The following LATS2 variants were observed in gnomAD, a reference collection of about 807,000 sequenced individuals.
LATS2 encodes the protein large tumor suppressor kinase 2.
In LATS2, 24 loss-of-function variants were observed where a neutral mutation model predicts 76.0. The ratio of observed to expected loss-of-function variants is 0.32; its 90% CI spans 0.23 to 0.44. LATS2 has a LOEUF of 0.44. LATS2 is among the 20% of genes least tolerant of loss of function. LATS2 has a pLI of 1.00. For synonymous variants in LATS2, 692 were observed against 635.4 expected, an observed-to-expected ratio of 1.09 and a Z score of -1.34; for missense variants, 1,286 against 1,481.2, an observed-to-expected ratio of 0.87 and a Z score of 2.16.
chr13:21,001,151 G>A (rs1420984453), intron 2 of LATS2, among the ~76,000 whole-genome samples: 1 of 152,148 alleles, frequency 6.6e-6, no homozygotes, highest in Admixed American at 6.5e-5. Flanking sequence ...CCTTTTATCT[G>A]TAAAATTCCA....
intron 2 of LATS2, among the ~76,000 whole-genome samples, chr13:21,010,020 T>A (rs1262395230): frequency 6.6e-6 from 1 of 152,072 alleles, no homozygotes; most frequent in Non-Finnish European, 1.5e-5. Flanking sequence ...GCCAACATGA[T>A]GAAACCCTGT....
chr13:21,019,668 C>CAA (rs1281059777), intron 2 of LATS2, among the ~76,000 whole-genome samples: 10 of 86,616 alleles, frequency 1.2e-4, no homozygotes, highest in South Asian at 1.0e-3. Flanking sequence ...TTTAATCTCT[C>CAA]AAAAAAAAAA....
At chr13:20,980,647 A>G (rs1313892361) in intron 6 of LATS2, among the ~76,000 whole-genome samples, 3 of 152,222 alleles carry the variant, frequency 2.0e-5, no homozygotes, top group African/African-American at 7.2e-5. Context: ...GGTAGAGGGA[A>G]GTAGACCTTC....
At chr13:20,997,972 C>T (rs759496187) in intron 2 of LATS2, among the ~76,000 whole-genome samples, 3 of 152,306 alleles carry the variant, frequency 2.0e-5, no homozygotes, top group Non-Finnish European at 2.9e-5. Flanking sequence ...TTTTAACATT[C>T]CAACTATGAG....
chr13:21,010,503 G>T (rs1451208397), intron 2 of LATS2, among the ~76,000 whole-genome samples: 1 of 152,072 alleles, frequency 6.6e-6, no homozygotes, highest in African/African-American at 2.4e-5. Flanking sequence ...GAATATTCAA[G>T]GAAGTTTTCC....
At chr13:21,001,563 C>G (rs988053997) in intron 2 of LATS2, among the ~76,000 whole-genome samples, 3 of 152,126 alleles carry the variant, frequency 2.0e-5, no homozygotes, top group African/African-American at 7.2e-5. Flanking sequence ...GGAGACAGAT[C>G]CAGTTAACTG....
At chr13:21,046,429 C>T (rs931749460) in intron 1 of LATS2, among the ~76,000 whole-genome samples, 199 bp from the exon 2 acceptor site, 1 of 152,212 alleles carries the variant, frequency 6.6e-6, no homozygotes, top group African/African-American at 2.4e-5. Flanking sequence ...TCCCAAAATG[C>T]TTCCTGTAAT....
intron 2 of LATS2, among the ~76,000 whole-genome samples, chr13:21,015,591 T>C (rs1871765407): frequency 6.6e-6 from 1 of 152,326 alleles, no homozygotes; most frequent in Non-Finnish European, 1.5e-5. Context: ...TCCTAGGTAG[T>C]TGTTTTAAAT....
intron 2 of LATS2, among the ~76,000 whole-genome samples, chr13:21,004,457 G>A (rs924698903): frequency 2.0e-4 from 30 of 149,260 alleles, no homozygotes; most frequent in African/African-American, 7.2e-4. Context: ...AAAAGCTTCT[G>A]TAATGCAAGG....
chr13:21,008,270 A>G (rs147515729), intron 2 of LATS2, among the ~76,000 whole-genome samples: 1 of 151,738 alleles, frequency 6.6e-6, no homozygotes, highest in Non-Finnish European at 1.5e-5. Flanking sequence ...GGTTCTCAAG[A>G]GGCACCCCCT....
At chr13:21,042,994 C>CAAAAAA (rs1872936834) in intron 2 of LATS2, among the ~76,000 whole-genome samples, 4 of 107,754 alleles carry the variant, frequency 3.7e-5, no homozygotes, top group Non-Finnish European at 9.9e-5. Flanking sequence ...AAAAAAAAAA[C>CAAAAAA]CAAAAAACAA....
At chr13:21,034,160 G>A (rs1373078335) in intron 2 of LATS2, among the ~76,000 whole-genome samples, 3 of 152,126 alleles carry the variant, frequency 2.0e-5, no homozygotes, top group Admixed American at 6.5e-5. Context: ...TCTGGTCAGC[G>A]GGAAAACTCA....
intron 1 of LATS2, among the ~76,000 whole-genome samples, chr13:21,052,839 G>A (rs1185528532): frequency 3.9e-5 from 6 of 152,158 alleles, no homozygotes; most frequent in South Asian, 4.2e-4. Context: ...TGCTGACTGC[G>A]GCTCAAACAG....
At chr13:21,000,753 C>T (rs549140140) in intron 2 of LATS2, among the ~76,000 whole-genome samples, 1 of 152,238 alleles carries the variant, frequency 6.6e-6, no homozygotes, top group African/African-American at 2.4e-5. Flanking sequence ...ACAAATCTAC[C>T]ACTGTTCTAG....
chr13:20,988,471 C>G lies in LATS2; in HGVS notation c.1309G>C (p.Ala437Pro), dbSNP rs1467380386. 1 of 1,538,686 alleles carries G rather than the reference C, an allele frequency of 6.5e-7. No individual in the cohort carries two copies. Among genetic ancestry groups the G allele is most frequent in the African/African-American group, 1.4e-5 (1 of 73,122 alleles). The change falls in exon 4 of 8, where the codon GCC (alanine) becomes CCC (proline). Residue 437 changes from alanine (A) to proline (P), a missense_variant. Physicochemically the swap from Ala to Pro is conservative, Grantham distance 27. Transcript: ENST00000382592. ...TTCACCGGGTGCAAGATGTGCGCGG[C>G]CGTGACAGCCGTCACGGTGTTGGGG... is the stretch of plus-strand genomic sequence containing the variant. ...PAPNTVTAVT[A>P]AHILHPVKSV...
chr13:21,057,318 CACAA>C (rs1301360819), intron 1 of LATS2, among the ~76,000 whole-genome samples: 9 of 152,114 alleles, frequency 5.9e-5, no homozygotes, highest in East Asian at 5.8e-4. Flanking sequence ...AATATTGTCA[CACAA>C]ACAAAAAGTA....
intron 1 of LATS2, among the ~76,000 whole-genome samples, chr13:21,060,493 C>T (rs1158817029): frequency 1.3e-5 from 2 of 152,208 alleles, no homozygotes; most frequent in Non-Finnish European, 2.9e-5. Context: ...TGAGCAAACT[C>T]GCAGAGTTGG....
chr13:21,019,664 C>G (rs1871967181), intron 2 of LATS2, among the ~76,000 whole-genome samples: 1 of 47,422 alleles, frequency 2.1e-5, no homozygotes, highest in Admixed American at 3.4e-4. Context: ...TATTTTTAAT[C>G]TCTCAAAAAA....
At chr13:21,010,115 G>A (rs1871526590) in intron 2 of LATS2, among the ~76,000 whole-genome samples, 1 of 152,034 alleles carries the variant, frequency 6.6e-6, no homozygotes, top group South Asian at 2.1e-4. Context: ...CACGAGAATC[G>A]GTTGAATCTG....
Sources: allele counts gnomAD v4.1 joint callset (sites outside exome capture counted in the v4.1 genomes callset), GRCh38; gene constraint gnomAD v4.1.1; transcripts MANE v1.5; gene names NCBI Gene and HGNC (gene_info 2026-07-23, HGNC 2026-07-21).